LRMDA: variants seen among roughly 807,000 people sequenced by gnomAD.
The protein encoded by LRMDA is leucine-rich melanocyte differentiation-associated protein.
In LRMDA, 18 loss-of-function variants were observed where a neutral mutation model predicts 29.8. That is an observed-to-expected ratio of 0.60 (90% CI 0.42 to 0.90). The LOEUF (loss-of-function observed/expected upper bound fraction) is 0.90, where lower values mean the gene tolerates loss of function less well. Ranked by LOEUF, LRMDA falls within the 40% of genes least tolerant of loss-of-function variation. LRMDA has a pLI of 0.00. For synonymous variants in LRMDA, 125 were observed against 109.4 expected (o/e 1.14, Z -0.89); for missense variants, 273 against 273.9 (o/e 1.00, Z 0.02).
intron 6 of LRMDA, among the ~76,000 whole-genome samples, chr10:76,457,822 C>A (rs1279367232): frequency 6.6e-6 from 1 of 152,110 alleles, no homozygotes; most frequent in Non-Finnish European, 1.5e-5. Context: ...TAGGAGCAAT[C>A]GTTCAGTATT....
chr10:76,393,773 C>G (rs987671210), intron 6 of LRMDA, among the ~76,000 whole-genome samples: 4 of 152,124 alleles, frequency 2.6e-5, no homozygotes, highest in Admixed American at 1.3e-4. Context: ...ATGTTTCCTT[C>G]TAGTGGTTTC....
intron 2 of LRMDA, chr10:75,882,761 A>G (rs1245200478): frequency 1.3e-5 from 2 of 152,252 alleles, no homozygotes; most frequent in Non-Finnish European, 2.9e-5. Context: ...CAACTCCATG[A>G]TGGCACATTT....
intron 2 of LRMDA, among the ~76,000 whole-genome samples, chr10:75,901,748 T>C (rs1040971558): frequency 3.3e-5 from 5 of 152,226 alleles, no homozygotes; most frequent in Admixed American, 2.6e-4. Flanking sequence ...GCTGTAATGG[T>C]AACTAATAGA....
In LRMDA at chr10:75,724,708, AG is replaced by A. The variant is rs1021490994; in HGVS notation, c.131+286217del. On this transcript the variant is annotated intron_variant, in intron 2 of 6. Transcript: ENST00000611255. ...AATCTCAGCGAGTGGGTTAAGCTAA[AG>A]GGTTCTTCATATTCTTCTAGCCACT... Among the ~76,000 whole-genome samples, 6 of 152,302 alleles carry A rather than the reference AG, an allele frequency of 3.9e-5. No individual in the cohort carries two copies. In the South Asian group the frequency reaches 6.2e-4, roughly 16 times the overall value.
At chr10:75,447,703 T>C (rs1844411205) in intron 2 of LRMDA, among the ~76,000 whole-genome samples, 1 of 152,242 alleles carries the variant, frequency 6.6e-6, no homozygotes, top group Non-Finnish European at 1.5e-5. Context: ...GAAACCAGCC[T>C]GGGGAACATA....
intron 6 of LRMDA, among the ~76,000 whole-genome samples, chr10:76,335,164 T>A (rs1840952259): frequency 6.6e-6 from 1 of 152,212 alleles, no homozygotes; most frequent in East Asian, 1.9e-4. Context: ...GAATTAGATA[T>A]GATTATTCTA....
chr10:76,177,067 G>A (rs1850950027), intron 5 of LRMDA, among the ~76,000 whole-genome samples: 1 of 152,148 alleles, frequency 6.6e-6, no homozygotes, highest in Admixed American at 6.6e-5. Flanking sequence ...TTGCACTCTG[G>A]GAGGCCAAGG....
chr10:76,149,882 G>C (rs1850405795), intron 5 of LRMDA, among the ~76,000 whole-genome samples: 1 of 152,172 alleles, frequency 6.6e-6, no homozygotes, highest in Non-Finnish European at 1.5e-5. Context: ...CAGACACCTG[G>C]TTGGAAACAG....
chr10:75,728,642 C>G (rs548836760), intron 2 of LRMDA, among the ~76,000 whole-genome samples: 1 of 152,020 alleles, frequency 6.6e-6, no homozygotes, highest in Non-Finnish European at 1.5e-5. Flanking sequence ...TCAGAAGAGA[C>G]GGAGCACTGG....
At chr10:75,472,628 T>C (rs553904803) in intron 2 of LRMDA, among the ~76,000 whole-genome samples, 34 of 152,352 alleles carry the variant, frequency 2.2e-4, no homozygotes, top group African/African-American at 8.2e-4. Flanking sequence ...GTTTCCTTTA[T>C]GGGGATGAAA....
chr10:75,527,121 TA>T (rs1353618848), intron 2 of LRMDA, among the ~76,000 whole-genome samples: 32 of 152,182 alleles, frequency 2.1e-4, no homozygotes, highest in Admixed American at 2.1e-3. Context: ...TAAATGGAAT[TA>T]TACAGTATGT....
chr10:75,821,912 T>C (rs1441702598), intron 2 of LRMDA, among the ~76,000 whole-genome samples: 4 of 152,136 alleles, frequency 2.6e-5, no homozygotes, highest in African/African-American at 7.2e-5. Context: ...AAAGCATTCC[T>C]TCTAAGAACT....
intron 2 of LRMDA, among the ~76,000 whole-genome samples, chr10:75,484,848 T>C (rs546916286): frequency 6.6e-6 from 1 of 152,338 alleles, no homozygotes; most frequent in South Asian, 2.1e-4. Flanking sequence ...CTTGGAACTC[T>C]AGCCTCTAGA....
chr10:76,472,583 A>G (rs181851498), intron 6 of LRMDA, among the ~76,000 whole-genome samples: 17 of 151,770 alleles, frequency 1.1e-4, no homozygotes, highest in African/African-American at 4.1e-4. Context: ...ATAAAAAGCA[A>G]TGAAAAAATT....
rs535204041 is a variant in LRMDA at position 76,007,039 on chromosome 10, T to C, written c.132-28969T>C. On this transcript the variant is annotated intron_variant, in intron 2 of 6. Coordinates refer to ENST00000611255, the MANE Select transcript of LRMDA (RefSeq NM_001305581.2). ...GTGTGTGTGTGTGTGTGTGCGCGTG[T>C]GTGTTTATATATTTATTTTCCGTCT... Among the ~76,000 whole-genome samples, 18 of 149,718 alleles carry C rather than the reference T, an allele frequency of 1.2e-4. No individual in the cohort carries two copies. In the East Asian group the frequency reaches 3.0e-3, roughly 25 times the overall value.
At chr10:76,141,076 C>T (rs1038813756) in intron 5 of LRMDA, among the ~76,000 whole-genome samples, 4 of 152,020 alleles carry the variant, frequency 2.6e-5, no homozygotes, top group Non-Finnish European at 5.9e-5. Context: ...TTGTATGGCT[C>T]CCATGCACAC....
rs1446863637 is a variant in LRMDA, at chr10:75,825,388, C to T, written c.132-210620C>T. ...AGAATGAATTATAGGGCGCTAGGCA[C>T]GTGATTTACCACCTATAGTAAACAG... On this transcript the variant is annotated intron_variant, in intron 2 of 6. Coordinates refer to ENST00000611255, the MANE Select transcript of LRMDA (RefSeq NM_001305581.2). Among the ~76,000 whole-genome samples the T allele has an allele frequency of 3.9e-5, 6 of 152,148 alleles. No homozygotes were observed. The South Asian group carries it at 6.2e-4, about 16-fold the overall frequency.
chr10:76,485,202 G>A (rs1387891840), intron 6 of LRMDA, among the ~76,000 whole-genome samples: 4 of 151,618 alleles, frequency 2.6e-5, no homozygotes, highest in South Asian at 4.2e-4. Context: ...GAACTTGTTC[G>A]TTGTTTCTTT....
At chr10:75,488,727 CA>C (rs1298838785) in intron 2 of LRMDA, among the ~76,000 whole-genome samples, 1 of 152,122 alleles carries the variant, frequency 6.6e-6, no homozygotes, top group Non-Finnish European at 1.5e-5. Context: ...GGTCTAGCAT[CA>C]GCAGCAACAT....
Sources: gnomAD v4.1 joint callset for allele counts (sites outside exome capture counted in the v4.1 genomes callset) on GRCh38, gnomAD v4.1.1 for gene constraint, MANE v1.5 for transcripts, NCBI Gene and HGNC (gene_info 2026-07-23, HGNC 2026-07-21) for gene names.